The following PCDH11X variants were observed in gnomAD, a reference collection of about 807,000 sequenced individuals.
The protein encoded by PCDH11X is protocadherin-11 X-linked.
Under a neutral mutation model 53.3 loss-of-function variants are expected in PCDH11X, and 18 were observed. The ratio of observed to expected loss-of-function variants is 0.34; its 90% CI spans 0.23 to 0.50. The LOEUF is 0.50. Among genes scored for constraint, PCDH11X ranks in the 20% least tolerant of loss-of-function variants. The probability of loss-of-function intolerance (pLI) is 0.98; values close to 1 mark genes in which losing one functional copy is unlikely to be tolerated. For synonymous variants in PCDH11X, 279 were observed against 393.3 expected, an observed-to-expected ratio of 0.71 and a Z score of 3.44; for missense variants, 570 against 1,032.4, an observed-to-expected ratio of 0.55 and a Z score of 6.14.
intron 7 of PCDH11X, among the ~76,000 whole-genome samples, chrX:92,252,374 TACACAC>T (rs757873528): frequency 3.1e-4 from 32 of 104,590 alleles, no homozygotes; most frequent in African/African-American, 1.1e-3. Flanking sequence ...TTTGTCATGT[TACACAC>T]ACACACACAC....
chrX:92,034,262 C>A lies in PCDH11X; in HGVS notation c.3033+154989C>A, dbSNP rs775877622. 2.7e-5 allele frequency among the ~76,000 whole-genome samples: 3 copies of A among 111,383 alleles called. No homozygotes were observed. In the South Asian group the frequency reaches 1.1e-3, roughly 42 times the overall value. On this transcript the variant is annotated intron_variant, in intron 6 of 10. Transcript: ENST00000682573. ...AATGTTCTGTAAATATCTATTAGGT[C>A]CATTTGCTCTATAGGGCAGATTAAG...
intron 6 of PCDH11X, among the ~76,000 whole-genome samples, chrX:91,886,950 G>A (rs1427187195): frequency 2.4e-4 from 21 of 88,631 alleles, no homozygotes; most frequent in Non-Finnish European, 4.0e-4. Flanking sequence ...CAGCCTGGGC[G>A]ACAGAGCTAG....
intron 10 of PCDH11X, among the ~76,000 whole-genome samples, chrX:92,502,774 G>A (rs911874583): frequency 3.6e-5 from 4 of 111,522 alleles, no homozygotes; most frequent in Non-Finnish European, 5.6e-5. Flanking sequence ...AGAAAATCTA[G>A]GCAATACCAT....
intron 8 of PCDH11X, among the ~76,000 whole-genome samples, chrX:92,273,734 G>T (rs764862660): frequency 3.6e-5 from 4 of 110,794 alleles, no homozygotes; most frequent in Non-Finnish European, 7.5e-5. Flanking sequence ...CACATTTGTC[G>T]TGTAGAATTA....
At chrX:91,866,093 C>T (rs1359065191) in intron 5 of PCDH11X, among the ~76,000 whole-genome samples, 1 of 110,754 alleles carries the variant, frequency 9.0e-6, no homozygotes, top group Non-Finnish European at 1.9e-5. Flanking sequence ...GTGCCTTATC[C>T]TGCTGTGGCT....
Position 92,157,135 on chromosome X carries a change from A to T in PCDH11X, c.3034-44240A>T, listed in dbSNP as rs184083838. Among the ~76,000 whole-genome samples the T allele has an allele frequency of 9.4e-3, 1,049 of 111,875 alleles. 9 individuals carry two copies. The highest frequency in any genetic ancestry group is 0.032 in the African/African-American group (1,001 of 30,804). ...TCTAAACCTAAAATTCGGCAAAGAAATTCTATCTAATGTCCCTTAGCTTTG... is the reference window on the plus strand; with the variant it reads ...TCTAAACCTAAAATTCGGCAAAGAATTTCTATCTAATGTCCCTTAGCTTTG... On this transcript the variant is annotated intron_variant, in intron 6 of 10. Coordinates refer to ENST00000682573, the MANE Select transcript of PCDH11X (RefSeq NM_032968.5).
At chrX:92,269,816 A>G (rs760810230) in intron 8 of PCDH11X, among the ~76,000 whole-genome samples, 1 of 111,440 alleles carries the variant, frequency 9.0e-6, no homozygotes, top group Non-Finnish European at 1.9e-5. Context: ...TATTAACTAC[A>G]TTTTCTCACC....
Position 91,877,167 on chromosome X carries a change from C to T in PCDH11X, c.927C>T (p.Ile309=). 9.6e-7 allele frequency: 1 copy of T among 1,045,584 alleles called. No individual in the cohort carries two copies. The highest frequency in any genetic ancestry group is 1.3e-6 in the Non-Finnish European group (1 of 764,207). The allele number at this position is 1,045,584 out of a possible 1,213,427, so 86.2% of individuals were successfully genotyped here. A position where few individuals can be genotyped will look rare whatever the true frequency, so the allele number is the denominator to read the frequency against. ...ACCTCAATGCCACCACTGGACTTATCACAATCAAAGAACCACTGGATAGGG... is the reference window on the plus strand; with the variant it reads ...ACCTCAATGCCACCACTGGACTTATTACAATCAAAGAACCACTGGATAGGG... ...LFHLNATTGL[I]TIKEPLDREE... is the part of the protein sequence containing the mutation. Residue 309 remains isoleucine (I), a synonymous_variant, in exon 6 of 11, where the codon ATC becomes ATT. Transcript: ENST00000682573.
intron 8 of PCDH11X, among the ~76,000 whole-genome samples, chrX:92,274,796 C>T (rs60776986): frequency 0.052 from 5,720 of 109,896 alleles, 348 homozygotes; most frequent in East Asian, 0.24. Context: ...TGGTGTGTGG[C>T]GATAAGGCCT....
chrX:92,282,084 A>G (rs2068262083), intron 8 of PCDH11X, among the ~76,000 whole-genome samples: 1 of 111,092 alleles, frequency 9.0e-6, no homozygotes, highest in African/African-American at 3.3e-5. Flanking sequence ...AGGGAGGAGG[A>G]GAAGGAGGAA....
chrX:91,791,885 GGA>G (rs1935560242), intron 1 of PCDH11X, among the ~76,000 whole-genome samples: 1 of 93,913 alleles, frequency 1.1e-5, no homozygotes, highest in African/African-American at 4.1e-5. Context: ...TTTTTGAGAC[GGA>G]GTCTCGCTCT....
intron 8 of PCDH11X, among the ~76,000 whole-genome samples, chrX:92,351,105 G>A (rs1012357704): frequency 3.6e-5 from 4 of 111,792 alleles, no homozygotes; most frequent in Non-Finnish European, 7.5e-5. Flanking sequence ...ACTTTACTGC[G>A]ATCACGGGTC....
chrX:91,819,276 G>GA (rs1169429626), intron 4 of PCDH11X, among the ~76,000 whole-genome samples: 15 of 104,727 alleles, frequency 1.4e-4, no homozygotes, highest in Non-Finnish European at 2.4e-4. Context: ...GTGAGAAACA[G>GA]AAAAAAAAAT....
At chrX:92,123,401 G>T (rs773847583) in intron 6 of PCDH11X, among the ~76,000 whole-genome samples, 1 of 111,494 alleles carries the variant, frequency 9.0e-6, no homozygotes, top group African/African-American at 3.3e-5. Context: ...TCAGAGGTCA[G>T]TACTAGGCCA....
intron 6 of PCDH11X, among the ~76,000 whole-genome samples, chrX:92,070,357 A>G (rs769155118): frequency 1.6e-3 from 177 of 111,535 alleles, no homozygotes; most frequent in Non-Finnish European, 2.8e-3. Flanking sequence ...CTTATAGGAC[A>G]TGAAATCCCT....
intron 6 of PCDH11X, among the ~76,000 whole-genome samples, chrX:92,121,133 AT>A (rs1210127836): frequency 2.8e-5 from 3 of 108,429 alleles, no homozygotes; most frequent in South Asian, 8.4e-4. Context: ...AGCTTCTAAA[AT>A]TTTTTTTGTT....
Position 92,559,206 on chromosome X carries a change from G to C in PCDH11X, c.3368-59058G>C, listed in dbSNP as rs1241807187. 2.7e-5 allele frequency among the ~76,000 whole-genome samples: 3 copies of C among 110,352 alleles called. No homozygotes were observed. In the Admixed American group the frequency reaches 2.9e-4, roughly 11 times the overall value. ...ATTATGTTCATGTGTATTGAGATGA[G>C]TGCATTGGGAAATTTATGAAAACAG... On this transcript the variant is annotated intron_variant, in intron 10 of 10. Coordinates refer to ENST00000682573, the MANE Select transcript of PCDH11X (RefSeq NM_032968.5).
In PCDH11X at chrX:92,014,598, C is replaced by T. The variant is rs774524611; in HGVS notation, c.3033+135325C>T. Among the ~76,000 whole-genome samples the T allele has an allele frequency of 2.2e-4, 24 of 110,334 alleles. No individual in the cohort carries two copies. In the East Asian group the frequency reaches 2.9e-3, roughly 13 times the overall value. On this transcript the variant is annotated intron_variant, in intron 6 of 10. Transcript: ENST00000682573. ...GACACATGCACACGTATGTTTATTG[C>T]GGCACTATTCACAATAGCAAAGACT...
chrX:92,415,151 G>A (rs2071780542), intron 9 of PCDH11X, among the ~76,000 whole-genome samples: 1 of 111,110 alleles, frequency 9.0e-6, no homozygotes, highest in African/African-American at 3.3e-5. Flanking sequence ...GGTATTGAGT[G>A]AAAAGTTCTA....
Sources: gnomAD v4.1 joint callset for allele counts (sites outside exome capture counted in the v4.1 genomes callset) on GRCh38, gnomAD v4.1.1 for gene constraint, MANE v1.5 for transcripts, NCBI Gene and HGNC (gene_info 2026-07-23, HGNC 2026-07-21) for gene names.